The following NLGN1 variants were observed in gnomAD, a reference collection of about 807,000 sequenced individuals.
NLGN1 encodes the protein neuroligin 1.
In NLGN1, 12 loss-of-function variants were observed where a neutral mutation model predicts 65.5. The observed-to-expected ratio is 0.18, with a 90% confidence interval of 0.12 to 0.30. The LOEUF is 0.30. Among genes scored for constraint, NLGN1 ranks in the 10% least tolerant of loss-of-function variants. NLGN1 has a pLI of 1.00. For synonymous variants in NLGN1, 350 were observed against 359.5 expected, an observed-to-expected ratio of 0.97 and a Z score of 0.30; for missense variants, 750 against 1,007.1, an observed-to-expected ratio of 0.74 and a Z score of 3.46.
chr3:173,771,051 A>G (rs1344599411), intron 3 of NLGN1, among the ~76,000 whole-genome samples: 1 of 152,132 alleles, frequency 6.6e-6, no homozygotes, highest in Non-Finnish European at 1.5e-5. Flanking sequence ...TTGTTTTTCA[A>G]AGTTCATCTC....
intron 4 of NLGN1, among the ~76,000 whole-genome samples, chr3:174,137,623 A>T (rs975970266): frequency 6.6e-6 from 1 of 152,218 alleles, no homozygotes; most frequent in Non-Finnish European, 1.5e-5. Flanking sequence ...ATGCTCTACC[A>T]GAAATTATAT....
Position 173,452,927 on chromosome 3 carries a change from A to T in NLGN1, c.-321+17849A>T, listed in dbSNP as rs140557590. Among the ~76,000 whole-genome samples the T allele has an allele frequency of 3.9e-5, 6 of 152,336 alleles. No homozygotes were observed. In the East Asian group the frequency reaches 1.2e-3, roughly 29 times the overall value. ...TGTATAACATTTTATCTAAAAATGT[A>T]CATACCTTAATTAAAAATATTTTAT... On this transcript the variant is annotated intron_variant, in intron 2 of 6. Transcript: ENST00000457714.
chr3:174,276,113 A>C (rs1750513151), intron 5 of NLGN1, among the ~76,000 whole-genome samples: 1 of 151,836 alleles, frequency 6.6e-6, no homozygotes, highest in Non-Finnish European at 1.5e-5. Context: ...CATTTGATTC[A>C]GTGTTTTTTC....
chr3:173,710,138 A>G (rs866886819), intron 3 of NLGN1, among the ~76,000 whole-genome samples: 2 of 152,158 alleles, frequency 1.3e-5, no homozygotes, highest in African/African-American at 4.8e-5. Flanking sequence ...CAATGAGTGA[A>G]TATTTATATA....
At chr3:173,850,073 A>G (rs1726597694) in intron 4 of NLGN1, among the ~76,000 whole-genome samples, 1 of 152,150 alleles carries the variant, frequency 6.6e-6, no homozygotes, top group African/African-American at 2.4e-5. Flanking sequence ...TATAGAGAGA[A>G]GAGTGTGAAA....
intron 1 of NLGN1, among the ~76,000 whole-genome samples, chr3:173,418,759 T>C (rs1034310483): frequency 6.6e-6 from 1 of 152,164 alleles, no homozygotes; most frequent in African/African-American, 2.4e-5. Flanking sequence ...GAAGCCAAAT[T>C]ATGTACATAT....
intron 3 of NLGN1, among the ~76,000 whole-genome samples, chr3:173,758,805 G>A (rs569797143): frequency 7.2e-5 from 11 of 151,944 alleles, no homozygotes; most frequent in Non-Finnish European, 1.0e-4. Flanking sequence ...ATAAATGAAC[G>A]CAGTGTAGGT....
chr3:174,264,887 G>C (rs1340455875), intron 4 of NLGN1, among the ~76,000 whole-genome samples: 1 of 151,974 alleles, frequency 6.6e-6, no homozygotes, highest in South Asian at 2.1e-4. Flanking sequence ...CTGTTTGTTA[G>C]TTTTCCTTCT....
intron 4 of NLGN1, among the ~76,000 whole-genome samples, chr3:173,917,625 G>A (rs1320544806): frequency 6.6e-6 from 1 of 152,112 alleles, no homozygotes; most frequent in Non-Finnish European, 1.5e-5. Flanking sequence ...ACCTAGAATA[G>A]CTAGTCCTTA....
At chr3:174,055,106 A>C (rs1735764165) in intron 4 of NLGN1, among the ~76,000 whole-genome samples, 1 of 146,946 alleles carries the variant, frequency 6.8e-6, no homozygotes, top group South Asian at 2.1e-4. Flanking sequence ...GGATCTGAAC[A>C]TGTGTGCTCA....
intron 2 of NLGN1, among the ~76,000 whole-genome samples, chr3:173,568,995 C>T (rs1045415377): frequency 6.6e-5 from 10 of 152,108 alleles, no homozygotes; most frequent in Non-Finnish European, 1.2e-4. Context: ...CTTTCTTCAA[C>T]ACTCTGTGTT....
intron 2 of NLGN1, among the ~76,000 whole-genome samples, chr3:173,601,227 C>G (rs1236961218): frequency 1.3e-5 from 2 of 151,912 alleles, no homozygotes; most frequent in Admixed American, 6.6e-5. Context: ...TTAATACATT[C>G]TGAAATATTT....
chr3:173,733,801 G>A (rs150399823), intron 3 of NLGN1, among the ~76,000 whole-genome samples: 1 of 152,162 alleles, frequency 6.6e-6, no homozygotes, highest in Non-Finnish European at 1.5e-5. Context: ...CATTTGTCAC[G>A]GGGGAGGAAC....
At chr3:174,193,911 A>AT (rs1732866637) in intron 4 of NLGN1, among the ~76,000 whole-genome samples, 1 of 152,064 alleles carries the variant, frequency 6.6e-6, no homozygotes, top group Non-Finnish European at 1.5e-5. Flanking sequence ...TACAAATTTT[A>AT]TTTTTAAAAA....
chr3:173,445,757 G>C (rs947434912), intron 2 of NLGN1, among the ~76,000 whole-genome samples: 1 of 152,204 alleles, frequency 6.6e-6, no homozygotes, highest in Non-Finnish European at 1.5e-5. Flanking sequence ...CTTTGTGCTT[G>C]CACCAGGGAA....
intron 2 of NLGN1, among the ~76,000 whole-genome samples, chr3:173,590,473 A>C (rs1748287546): frequency 6.6e-6 from 1 of 152,174 alleles, no homozygotes; most frequent in Non-Finnish European, 1.5e-5. Flanking sequence ...ATACTGTACT[A>C]GTAGTCTGTA....
chr3:174,116,013 G>T (rs192166500), intron 4 of NLGN1, among the ~76,000 whole-genome samples: 1 of 152,116 alleles, frequency 6.6e-6, no homozygotes, highest in Non-Finnish European at 1.5e-5. Flanking sequence ...AAATTTCCTA[G>T]TAAAAACTCT....
rs565432735 is a variant in NLGN1, at chr3:173,486,202, T to C, written c.-321+51124T>C. Among the ~76,000 whole-genome samples the C allele has an allele frequency of 1.6e-4, 25 of 151,878 alleles. 1 individual carries two copies. ...TGGGATTACAGGCATGCGCCACCAC[T>C]CCTGGCTTTTTTATTTTATTTTTTT... On this transcript the variant is annotated intron_variant, in intron 2 of 6. Coordinates refer to ENST00000457714, the Ensembl canonical transcript of NLGN1.
At chr3:174,129,843 C>T (rs1719791849) in intron 4 of NLGN1, among the ~76,000 whole-genome samples, 1 of 152,220 alleles carries the variant, frequency 6.6e-6, no homozygotes. Flanking sequence ...TATAATTTTT[C>T]ACCCTCTGAT....
Sources: gnomAD v4.1 joint callset for allele counts (sites outside exome capture counted in the v4.1 genomes callset) on GRCh38, gnomAD v4.1.1 for gene constraint, MANE v1.5 for transcripts, NCBI Gene and HGNC (gene_info 2026-07-23, HGNC 2026-07-21) for gene names.